Variants in MYO15A observed in about 807,000 individuals in gnomAD.
MYO15A encodes the protein unconventional myosin-XV.
A neutral mutation model predicts 394.6 loss-of-function variants in MYO15A; 308 were observed. The observed-to-expected ratio is 0.78, with a 90% confidence interval of 0.71 to 0.86. The LOEUF (loss-of-function observed/expected upper bound fraction) is 0.86. MYO15A is among the 40% of genes least tolerant of loss of function. The pLI, the probability that MYO15A is intolerant of heterozygous loss-of-function variation, is 0.00. For synonymous variants in MYO15A, 1,957 were observed against 2,003.8 expected, an observed-to-expected ratio of 0.98 and a Z score of 0.62; for missense variants, 4,606 against 4,799.1, an observed-to-expected ratio of 0.96 and a Z score of 1.19.
intron 1 of MYO15A, among the ~76,000 whole-genome samples, chr17:18,111,262 G>A (rs935002492): frequency 6.6e-6 from 1 of 151,794 alleles, no homozygotes; most frequent in African/African-American, 2.4e-5. Flanking sequence ...TTGAGCCTGG[G>A]AGCTTGAGGC....
At position 18,121,559 on chromosome 17, in the gene MYO15A, G is replaced by T; in HGVS notation, c.2759G>T (p.Trp920Leu). 1 of 1,589,048 alleles carries T rather than the reference G, an allele frequency of 6.3e-7. No individual in the cohort carries two copies. Among genetic ancestry groups the T allele is most frequent in the Non-Finnish European group, 8.6e-7 (1 of 1,168,386 alleles). Residue 920 changes from tryptophan to leucine, a missense_variant, in exon 2 of 66, where the codon TGG becomes TTG. This residue lies in a region of MYO15A where 1,830 missense variants were observed against 1,689.7 expected (regional missense o/e 1.08). Transcript: ENST00000647165. The surrounding 1 kb of genome is among the most constrained non-coding windows in gnomAD (Gnocchi z 5.3). The stretch of plus-strand genomic sequence containing the variant: ...GAACCCGAGGACTCAGAGACGCCCT[G>T]GACTGTGCCCCCACTGGCCCCCAGC... ...PREPEDSETP[W>L]TVPPLAPSWD...
In MYO15A at chr17:18,118,665, G is replaced by C. The variant is rs562215668; in HGVS notation, c.-136G>C. The C allele has an allele frequency of 3.6e-6, 5 of 1,390,606 alleles. No individual in the cohort carries two copies. The highest frequency in any genetic ancestry group is 2.9e-5 in the African/African-American group (2 of 69,310). 86.1% of individuals were successfully genotyped at this position (1,390,606 alleles called of 1,614,324 possible). A position where few individuals can be genotyped will look rare whatever the true frequency, so the allele number is the denominator to read the frequency against. On this transcript the variant is annotated 5_prime_UTR_variant, in exon 2 of 66. Transcript: ENST00000647165. ...GGCTCGGCCCTCCCCACGCCACCCA[G>C]GGCCAGTCGGGTCTGCTCACAGCCC... is the stretch of plus-strand genomic sequence containing the variant.
intron 61 of MYO15A, 29 bp downstream of exon 61, chr17:18,166,550 T>C: frequency 6.2e-7 from 1 of 1,608,714 alleles, no homozygotes; most frequent in South Asian, 1.1e-5. Context: ...CTCTGGACTC[T>C]GGGACCTTCT....
chr17:18,140,892 TG>T (rs1188250194), intron 21 of MYO15A, 60 bp downstream of exon 21: 1 of 1,613,286 alleles, frequency 6.2e-7, no homozygotes, highest in Non-Finnish European at 8.5e-7. Context: ...TGTGTGACCT[TG>T]GGCAAGTGGC....
chr17:18,162,610 C>G lies in MYO15A; in HGVS notation c.9543C>G (p.Asn3181Lys). ...GGATCGCCAAGGCCTGCGAGCAGAA[C>G]CTGCAGAAAACCTTGCGCTTCGGAG... Reference protein sequence around the residue: ...FQGIAKACEQNLQKTLRFGGR... With the variant: ...FQGIAKACEQKLQKTLRFGGR... The change falls in exon 58 of 66, where the codon AAC (asparagine) becomes AAG (lysine). Residue 3181 changes from asparagine to lysine, a missense_variant. Physicochemically the swap from Asn to Lys is moderately conservative, Grantham distance 94. Coordinates refer to ENST00000647165, the MANE Select transcript of MYO15A (RefSeq NM_016239.4). 1 of 1,614,084 alleles carries G rather than the reference C, an allele frequency of 6.2e-7. No homozygotes were observed. The highest frequency in any genetic ancestry group is 8.5e-7 in the Non-Finnish European group (1 of 1,179,986).
intron 49 of MYO15A, 32 bp from the exon 50 acceptor site, chr17:18,157,124 C>T: frequency 6.2e-7 from 1 of 1,610,640 alleles, no homozygotes; most frequent in Admixed American, 1.7e-5. Flanking sequence ...GGGGGCCTCC[C>T]TGGCAGATGC....
Position 18,131,999 on chromosome 17 carries a change from C to T in MYO15A, c.4207-454C>T, listed in dbSNP as rs567242061. On this transcript the variant is annotated intron_variant, in intron 10 of 65. Coordinates refer to ENST00000647165, the MANE Select transcript of MYO15A (RefSeq NM_016239.4). ...CAGTTATTTGCTGAGTGTCTGTCTC[C>T]CTAGCTAGCAGGTGGGCTCCATCAG... 1.2e-4 allele frequency among the ~76,000 whole-genome samples: 18 copies of T among 152,178 alleles called. No homozygotes were observed. The South Asian group carries it at 3.5e-3, about 30-fold the overall frequency.
intron 19 of MYO15A, 155 bp from the exon 20 acceptor site, chr17:18,140,362 G>T (rs2046355691): frequency 5.6e-6 from 6 of 1,064,426 alleles, no homozygotes; most frequent in Non-Finnish European, 8.3e-6. Context: ...TGAGAAGCAT[G>T]CAAGCCAGGA....
chr17:18,129,306 C>T (rs2046110396), intron 7 of MYO15A, among the ~76,000 whole-genome samples: 2 of 152,204 alleles, frequency 1.3e-5, no homozygotes, highest in South Asian at 4.1e-4. Context: ...GCTTTATGCC[C>T]TGCTGTATGC....
intron 62 of MYO15A, among the ~76,000 whole-genome samples, chr17:18,170,446 C>A (rs1443450403): frequency 6.6e-6 from 1 of 151,818 alleles, no homozygotes; most frequent in African/African-American, 2.4e-5. Context: ...GCAGCCTTGA[C>A]CTCTTGGGCT....
intron 21 of MYO15A, 61 bp from the exon 22 acceptor site, chr17:18,140,958 A>T: frequency 6.2e-7 from 1 of 1,612,930 alleles, no homozygotes; most frequent in Non-Finnish European, 8.5e-7. Flanking sequence ...ATTCACCATG[A>T]TAATGCCTTT....
At chr17:18,139,014 GC>G in intron 18 of MYO15A, 78 bp downstream of exon 18, 1 of 1,553,838 alleles carries the variant, frequency 6.4e-7, no homozygotes. Context: ...CACAACACTG[GC>G]CCCAGACATT....
rs776218805 is a variant in MYO15A, at chr17:18,120,737, C to A, written c.1937C>A (p.Ala646Glu). 8.2e-6 allele frequency: 12 copies of A among 1,466,312 alleles called. 1 individual carries two copies. The South Asian group carries it at 1.6e-4, about 19-fold the overall frequency. The allele number at this position is 1,466,312 out of a possible 1,614,324, so 90.8% of individuals were successfully genotyped here. The change falls in exon 2 of 66, where the codon GCG becomes GAG. Residue 646 changes from alanine to glutamate, a missense_variant. Physicochemically the swap from Ala to Glu is moderately radical, Grantham distance 107. Coordinates refer to ENST00000647165, the MANE Select transcript of MYO15A (RefSeq NM_016239.4). ...RSSNDARRPPAPQPAPRTLSH... is the reference protein window; with the variant it reads ...RSSNDARRPPEPQPAPRTLSH... ...AGCAACGACGCGCGCCGCCCGCCCG[C>A]GCCACAGCCCGCGCCCAGGACCCTC...
rs914153842 is a variant in MYO15A, at chr17:18,173,797, T to A, written c.10367T>A (p.Phe3456Tyr). 29 of 1,613,722 alleles carry A rather than the reference T, an allele frequency of 1.8e-5. No homozygotes were observed. The highest frequency in any genetic ancestry group is 2.4e-5 in the Non-Finnish European group (28 of 1,180,018). Reference protein sequence around the residue: ...STETHELMVKFPLKEIQSTRT... With the variant: ...STETHELMVKYPLKEIQSTRT... ...TACTCCCAGGAATTGATGGTGAAGTTCCCCCTGAAGGAGATCCAGTCGACG... is the reference window on the plus strand; with the variant it reads ...TACTCCCAGGAATTGATGGTGAAGTACCCCCTGAAGGAGATCCAGTCGACG... The change falls in exon 65 of 66, where the codon TTC (phenylalanine) becomes TAC (tyrosine). Residue 3456 changes from phenylalanine to tyrosine, a missense_variant. Phe to Tyr is a conservative substitution (Grantham distance 22). Around this residue, in one of 2 missense-constraint regions of MYO15A, gnomAD observed 2,776 missense variants for 3,109.3 expected, o/e 0.89. Transcript: ENST00000647165.
chr17:18,139,655 TCCCCAC>T (rs772283997), intron 19 of MYO15A, 44 bp downstream of exon 19: 2 of 1,604,334 alleles, frequency 1.2e-6, no homozygotes, highest in Non-Finnish European at 1.7e-6. Context: ...CCCAGGCATG[TCCCCAC>T]CCCCACACCC....
At chr17:18,157,462 T>G in intron 50 of MYO15A, 1 of 884,724 alleles carries the variant, frequency 1.1e-6, no homozygotes, top group Non-Finnish European at 1.7e-6. Context: ...GAATCTCTCT[T>G]TATGTCTCCA....
chr17:18,114,838 A>T (rs2045764921), intron 1 of MYO15A, among the ~76,000 whole-genome samples: 1 of 151,866 alleles, frequency 6.6e-6, no homozygotes, highest in Admixed American at 6.5e-5. Flanking sequence ...GCTCCTAAGC[A>T]CTGCAGCCCT....
At position 18,136,481 on chromosome 17, in the gene MYO15A, G is replaced by A. The variant is rs762300605; in HGVS notation, c.4655+6G>A. 5.6e-6 allele frequency: 9 copies of A among 1,613,618 alleles called. No homozygotes were observed. Among genetic ancestry groups the A allele is most frequent in the Non-Finnish European group, 7.6e-6 (9 of 1,180,020 alleles). On this transcript the variant is annotated splice_donor_region_variant and intron_variant, in intron 14 of 65. Coordinates refer to ENST00000647165, the MANE Select transcript of MYO15A (RefSeq NM_016239.4). ...GAGAGCGCTGTGGATGCCAGGTGAGGCCACGCCCTCCCCTGCCTGAGCCCC... is the reference window on the plus strand; with the variant it reads ...GAGAGCGCTGTGGATGCCAGGTGAGACCACGCCCTCCCCTGCCTGAGCCCC...
chr17:18,152,226 T>C, intron 42 of MYO15A, 42 bp downstream of exon 42: 2 of 1,532,466 alleles, frequency 1.3e-6, no homozygotes. Flanking sequence ...TGTCCAAGTA[T>C]ATGAGGAAGT....
Sources: gnomAD v4.1 joint callset for allele counts (sites outside exome capture counted in the v4.1 genomes callset) on GRCh38, gnomAD v4.1.1 for gene constraint, gnomAD v4.1.1 regional missense constraint, Gnocchi (gnomAD v3.1) non-coding constraint, MANE v1.5 for transcripts, NCBI Gene and HGNC (gene_info 2026-07-23, HGNC 2026-07-21) for gene names.